Variants in DARS1 observed in about 807,000 individuals in gnomAD.
DARS1 encodes aspartate--tRNA ligase, cytoplasmic.
DARS1 carries 51 observed loss-of-function variants against 68.8 expected under a neutral mutation model. The observed-to-expected ratio is 0.74, with a 90% CI of 0.59 to 0.94. The LOEUF (loss-of-function observed/expected upper bound fraction) is 0.94, where lower values mean the gene tolerates loss of function less well. Ranked by LOEUF, DARS1 falls within the 40% of genes least tolerant of loss-of-function variation. The pLI is 0.00. For missense variants in DARS1, 607 were observed against 597.3 expected (o/e 1.02, Z -0.17); for synonymous variants, 203 against 190.4 (o/e 1.07, Z -0.55).
At chr2:135,985,659 G>C, upstream of DARS1, 1 of 1,393,000 alleles carries the variant, frequency 7.2e-7, no homozygotes. Flanking sequence ...AGATCCCGGA[G>C]CGCTGGCGGC....
Position 135,906,470 on chromosome 2 carries a change from G to A in DARS1, c.*846C>T, listed in dbSNP as rs1680782639. Among the ~76,000 whole-genome samples, 1 of 152,156 alleles carries A rather than the reference G, an allele frequency of 6.6e-6. No homozygotes were observed. Among genetic ancestry groups the A allele is most frequent in the Admixed American group, 6.5e-5 (1 of 15,268 alleles). On this transcript the variant is annotated 3_prime_UTR_variant, in exon 16 of 16. Transcript: ENST00000264161. ...AATTCTGCAATATATTTTAACCCAT[G>A]TGAAATGAACTCTGTCAACCGACCC...
rs564335493 is a variant in DARS1 at position 135,929,586 on chromosome 2, GAA to G, written c.564+3195_564+3196del. ...TCAGTGGTAAAGGTACCATACTTGG[GAA>G]AACACTGCAAAACCACTGAAATGTC... On this transcript the variant is annotated intron_variant, in intron 7 of 15. Transcript: ENST00000264161. 1.6e-4 allele frequency among the ~76,000 whole-genome samples: 24 copies of G among 152,260 alleles called. No individual in the cohort carries two copies. The South Asian group carries it at 4.8e-3, about 30-fold the overall frequency.
At chr2:135,985,294 G>T (rs1288970137) in intron 1 of DARS1, 109 bp downstream of exon 1, 1 of 1,460,482 alleles carries the variant, frequency 6.8e-7, no homozygotes, top group Non-Finnish European at 9.0e-7. Flanking sequence ...GCAGCCTGCG[G>T]AGAACGTGCC....
At chr2:135,947,563 C>T (rs960899369) in intron 4 of DARS1, among the ~76,000 whole-genome samples, 2 of 151,962 alleles carry the variant, frequency 1.3e-5, no homozygotes, top group South Asian at 2.1e-4. Context: ...ATCTCATTTG[C>T]GCTTCACAAA....
At chr2:135,981,673 G>GTTTTTTTTTTTT (rs1682635138) in intron 2 of DARS1, among the ~76,000 whole-genome samples, 1 of 145,950 alleles carries the variant, frequency 6.9e-6, no homozygotes, top group Non-Finnish European at 1.5e-5. Context: ...AGAAATTTTG[G>GTTTTTTTTTTTT]CTTTTTTTTT....
intron 7 of DARS1, among the ~76,000 whole-genome samples, chr2:135,926,845 C>G (rs1681222069): frequency 1.3e-5 from 2 of 152,122 alleles, no homozygotes; most frequent in South Asian, 4.1e-4. Context: ...ATAATGTCCT[C>G]AGGCCCAGGT....
intron 3 of DARS1, among the ~76,000 whole-genome samples, chr2:135,978,542 A>G (rs1682552515): frequency 1.3e-5 from 2 of 152,262 alleles, no homozygotes; most frequent in Non-Finnish European, 2.9e-5. Context: ...GTATAAAGTT[A>G]TAAACTAGTG....
At chr2:135,931,034 C>A (rs1454030903) in intron 7 of DARS1, among the ~76,000 whole-genome samples, 1 of 152,132 alleles carries the variant, frequency 6.6e-6, no homozygotes, top group Non-Finnish European at 1.5e-5. Context: ...TTAATCAGGG[C>A]ACCTGCCTGT....
chr2:135,977,352 T>C (rs1276682211), intron 3 of DARS1, among the ~76,000 whole-genome samples: 2 of 152,218 alleles, frequency 1.3e-5, no homozygotes, highest in Non-Finnish European at 2.9e-5. Context: ...TGAAAAGGTC[T>C]TATTCATAAC....
chr2:135,971,172 T>G (rs1304793256), intron 3 of DARS1, among the ~76,000 whole-genome samples: 1 of 152,128 alleles, frequency 6.6e-6, no homozygotes, highest in Admixed American at 6.6e-5. Context: ...CTCTGATAAA[T>G]ACTGATGCAA....
intron 15 of DARS1, among the ~76,000 whole-genome samples, chr2:135,909,475 T>C (rs1041751426): frequency 3.9e-5 from 6 of 152,350 alleles, no homozygotes; most frequent in Admixed American, 1.3e-4. Flanking sequence ...TGCATACCTA[T>C]ATTTTTTGTG....
intron 3 of DARS1, among the ~76,000 whole-genome samples, chr2:135,972,070 GA>G (rs892648487): frequency 1.3e-5 from 2 of 151,222 alleles, no homozygotes; most frequent in African/African-American, 2.4e-5. Flanking sequence ...CACAGAAATA[GA>G]AAAAAAAATC....
intron 3 of DARS1, among the ~76,000 whole-genome samples, chr2:135,967,489 A>G (rs1008529537): frequency 2.6e-5 from 4 of 152,210 alleles, no homozygotes; most frequent in Non-Finnish European, 5.9e-5. Flanking sequence ...GCTTGAAAGA[A>G]ACTAATTTTA....
intron 4 of DARS1, among the ~76,000 whole-genome samples, chr2:135,949,784 A>G (rs1170451303): frequency 6.6e-6 from 1 of 152,200 alleles, no homozygotes; most frequent in African/African-American, 2.4e-5. Flanking sequence ...AGATTACTCT[A>G]TTGATGAATT....
chr2:135,922,074 G>A (rs780663545), intron 9 of DARS1, among the ~76,000 whole-genome samples: 6 of 152,064 alleles, frequency 3.9e-5, no homozygotes, highest in Non-Finnish European at 8.8e-5. Context: ...TTTGCCACAT[G>A]ATTATGTGCC....
intron 3 of DARS1, 192 bp downstream of exon 3, chr2:135,979,082 T>A (rs1257479569): frequency 6.9e-6 from 3 of 434,310 alleles, no homozygotes; most frequent in Non-Finnish European, 1.2e-5. Context: ...AGGGTCAAAT[T>A]ATTTGTAAGG....
intron 15 of DARS1, among the ~76,000 whole-genome samples, chr2:135,909,416 G>A (rs1680852798): frequency 6.6e-6 from 1 of 152,152 alleles, no homozygotes; most frequent in African/African-American, 2.4e-5. Flanking sequence ...GTGACACTCT[G>A]ATACACTGTG....
intron 4 of DARS1, among the ~76,000 whole-genome samples, chr2:135,946,649 G>C (rs1312780930): frequency 2.0e-5 from 3 of 152,124 alleles, no homozygotes; most frequent in African/African-American, 7.2e-5. Context: ...TGAAAATCAA[G>C]GGTGAAGGTA....
At chr2:135,972,070 G>GA (rs892648487) in intron 3 of DARS1, among the ~76,000 whole-genome samples, 138 of 151,216 alleles carry the variant, frequency 9.1e-4, no homozygotes, top group African/African-American at 2.7e-3. Flanking sequence ...CACAGAAATA[G>GA]AAAAAAAAAT....
Sources: allele counts gnomAD v4.1 joint callset (sites outside exome capture counted in the v4.1 genomes callset), GRCh38; gene constraint gnomAD v4.1.1; transcripts MANE v1.5; gene names NCBI Gene and HGNC (gene_info 2026-07-23, HGNC 2026-07-21).